The following EYA4 variants were observed in gnomAD, a reference collection of about 807,000 sequenced individuals.
The protein encoded by EYA4 is protein phosphatase EYA4.
Under a neutral mutation model 87.9 loss-of-function variants are expected in EYA4, and 31 were observed. That is an observed-to-expected ratio of 0.35 (90% confidence interval 0.27 to 0.48). The LOEUF (loss-of-function observed/expected upper bound fraction) is 0.48, where lower values mean the gene tolerates loss of function less well. Among genes scored for constraint, EYA4 ranks in the 20% least tolerant of loss-of-function variants. The pLI is 0.99. For synonymous variants in EYA4, 263 were observed against 270.6 expected, an observed-to-expected ratio of 0.97 and a Z score of 0.28; for missense variants, 678 against 761.4, an observed-to-expected ratio of 0.89 and a Z score of 1.29.
At chr6:133,459,176 C>T (rs542086079) in intron 6 of EYA4, among the ~76,000 whole-genome samples, 3 of 152,194 alleles carry the variant, frequency 2.0e-5, no homozygotes, top group South Asian at 2.1e-4. Flanking sequence ...AACTTTCCTA[C>T]GTGAACATCG....
chr6:133,321,154 A>G (rs1157307351), intron 2 of EYA4, among the ~76,000 whole-genome samples: 1 of 152,128 alleles, frequency 6.6e-6, no homozygotes, highest in Admixed American at 6.5e-5. Flanking sequence ...CTTTGTTAGT[A>G]ATCTGTTTTG....
chr6:133,280,307 C>T (rs1171722828), intron 2 of EYA4, among the ~76,000 whole-genome samples: 1 of 152,230 alleles, frequency 6.6e-6, no homozygotes, highest in Non-Finnish European at 1.5e-5. Context: ...AGTACCTAAA[C>T]TGAAGTTACA....
intron 2 of EYA4, among the ~76,000 whole-genome samples, chr6:133,321,959 C>T (rs1781126123): frequency 6.6e-6 from 1 of 152,196 alleles, no homozygotes; most frequent in Non-Finnish European, 1.5e-5. Context: ...TTCCCATTTC[C>T]TGCCTAAAGA....
At chr6:133,513,353 GAACT>G (rs928034632) in intron 16 of EYA4, among the ~76,000 whole-genome samples, 12 of 151,934 alleles carry the variant, frequency 7.9e-5, no homozygotes, top group Non-Finnish European at 1.2e-4. Context: ...TCAGACAGAG[GAACT>G]AACCGAGGCA....
chr6:133,526,045 T>C, intron 19 of EYA4: 1 of 331,436 alleles, frequency 3.0e-6, no homozygotes, highest in Non-Finnish European at 4.3e-6. Context: ...CTGGCCCGTA[T>C]TTCTGAAGAA....
chr6:133,262,186 A>C (rs79252574), intron 1 of EYA4, among the ~76,000 whole-genome samples: 1 of 152,224 alleles, frequency 6.6e-6, no homozygotes, highest in Non-Finnish European at 1.5e-5. Flanking sequence ...GTTAAGCAAT[A>C]TATATAGTCA....
At chr6:133,264,154 G>A (rs533628333) in intron 1 of EYA4, among the ~76,000 whole-genome samples, 12 of 152,246 alleles carry the variant, frequency 7.9e-5, no homozygotes, top group African/African-American at 4.8e-5. Context: ...AGAGAATGGC[G>A]AGAACAATGG....
chr6:133,513,031 C>T lies in EYA4; in HGVS notation c.1494C>T (p.Asn498=), dbSNP rs748934740. The T allele has an allele frequency of 2.4e-5, 39 of 1,613,638 alleles. No individual in the cohort carries two copies. Among genetic ancestry groups the T allele is most frequent in the Non-Finnish European group, 3.1e-5 (36 of 1,179,782 alleles). The change falls in exon 16 of 20, where the codon AAC becomes AAT. Residue 498 remains asparagine (N), a synonymous_variant. Transcript: ENST00000355286. ...AATTATATAACACCTACAAGAACAA[C>T]GTTGGAGGTATGTGTGGCTTTTTCA... ...VKELYNTYKN[N]VGGLLGPAKR... is the part of the protein sequence containing the mutation.
At chr6:133,270,203 T>A (rs2128256217) in intron 1 of EYA4, among the ~76,000 whole-genome samples, 1 of 152,308 alleles carries the variant, frequency 6.6e-6, no homozygotes, top group East Asian at 1.9e-4. Context: ...CATTCAGTAT[T>A]AACCATCACA....
chr6:133,374,349 C>G (rs1020613112), intron 2 of EYA4, among the ~76,000 whole-genome samples: 13 of 151,974 alleles, frequency 8.6e-5, no homozygotes, highest in African/African-American at 3.1e-4. Context: ...CTCCCTCCCC[C>G]AAACCAGGGT....
chr6:133,529,701 T>C lies in EYA4; in HGVS notation c.*896T>C, dbSNP rs1370399018. ...GGGTTCTTAATAATTCCAATAATTG[T>C]ATGAGGCAACTATTTGCGCATCCAA... On this transcript the variant is annotated 3_prime_UTR_variant, in exon 20 of 20. Coordinates refer to ENST00000355286, the MANE Select transcript of EYA4 (RefSeq NM_004100.5). The C allele has an allele frequency of 7.1e-6, 7 of 984,478 alleles. No homozygotes were observed. Among genetic ancestry groups the C allele is most frequent in the Non-Finnish European group, 8.4e-6 (7 of 829,176 alleles). The allele number at this position is 984,478 out of a possible 1,614,324, so 61.0% of individuals were successfully genotyped here.
intron 2 of EYA4, among the ~76,000 whole-genome samples, chr6:133,313,740 T>A (rs1212508210): frequency 6.6e-6 from 1 of 152,202 alleles, no homozygotes; most frequent in Admixed American, 6.5e-5. Context: ...AGTAATTCCC[T>A]GGCTTATTTT....
intron 2 of EYA4, among the ~76,000 whole-genome samples, chr6:133,289,099 C>T (rs1778288321): frequency 1.3e-5 from 2 of 152,092 alleles, no homozygotes; most frequent in Admixed American, 1.3e-4. Context: ...TGTTTGATGA[C>T]AGATTTTGAG....
intron 1 of EYA4, 25 bp from the exon 2 acceptor site, chr6:133,274,691 C>T (rs1777019273): frequency 9.2e-7 from 1 of 1,087,316 alleles, no homozygotes; most frequent in Non-Finnish European, 1.4e-6. Flanking sequence ...CATTTTTCCC[C>T]TTTGTTTCCA....
chr6:133,473,872 G>A (rs1795493312), intron 11 of EYA4, among the ~76,000 whole-genome samples: 1 of 151,984 alleles, frequency 6.6e-6, no homozygotes, highest in East Asian at 2.0e-4. Context: ...TGTGCCCTAG[G>A]CGCCTTACTC....
At chr6:133,348,550 C>G (rs566668230) in intron 2 of EYA4, among the ~76,000 whole-genome samples, 1 of 152,146 alleles carries the variant, frequency 6.6e-6, no homozygotes, top group East Asian at 1.9e-4. Context: ...CAGGCATGAG[C>G]CACCGTACCC....
chr6:133,506,893 A>G (rs1276381165), intron 14 of EYA4, among the ~76,000 whole-genome samples: 2 of 152,208 alleles, frequency 1.3e-5, no homozygotes, highest in African/African-American at 4.8e-5. Flanking sequence ...AGGTTATTAG[A>G]CATTCAGATA....
intron 1 of EYA4, among the ~76,000 whole-genome samples, chr6:133,256,685 G>A (rs1235136806): frequency 1.3e-5 from 2 of 152,030 alleles, no homozygotes; most frequent in African/African-American, 2.4e-5. Flanking sequence ...AAAAGTTAAT[G>A]CATCAAAATC....
intron 2 of EYA4, among the ~76,000 whole-genome samples, chr6:133,311,920 A>G (rs1780253947): frequency 6.6e-6 from 1 of 152,224 alleles, no homozygotes. Context: ...ATGGAACTTC[A>G]TCTACTGGTA....
Sources: allele counts gnomAD v4.1 joint callset (sites outside exome capture counted in the v4.1 genomes callset), GRCh38; gene constraint gnomAD v4.1.1; transcripts MANE v1.5; gene names NCBI Gene and HGNC (gene_info 2026-07-23, HGNC 2026-07-21).